MYL2: variants seen among roughly 807,000 people sequenced by gnomAD.
MYL2 encodes the protein myosin light chain 2.
MYL2 carries 19 observed loss-of-function variants against 23.0 expected under a neutral mutation model. The observed-to-expected ratio is 0.83, with a 90% confidence interval of 0.58 to 1.21. MYL2 has a LOEUF of 1.21. MYL2 is among the 50% of genes most tolerant of loss of function. MYL2 has a pLI of 0.00. For missense variants in MYL2, 180 were observed against 215.1 expected, an observed-to-expected ratio of 0.84 and a Z score of 1.02; for synonymous variants, 78 against 76.2, an observed-to-expected ratio of 1.02 and a Z score of -0.13.
In MYL2 at chr12:110,915,805, T is replaced by C; in HGVS notation, c.94-15A>G. ...ATAGTGAAGGCCTGTGGAAGGGAAG[T>C]GATTGGCAGCTCAGCCTGGGAGAAA... On this transcript the variant is annotated splice_polypyrimidine_tract_variant and intron_variant, in intron 2 of 6. Transcript: ENST00000228841. 1 of 1,613,018 alleles carries C rather than the reference T, an allele frequency of 6.2e-7. No individual in the cohort carries two copies. Among genetic ancestry groups the C allele is most frequent in the Non-Finnish European group, 8.5e-7 (1 of 1,178,992 alleles).
chr12:110,913,483 G>A (rs1328756255), intron 4 of MYL2, among the ~76,000 whole-genome samples, 159 bp from the exon 5 acceptor site: 1 of 152,200 alleles, frequency 6.6e-6, no homozygotes, highest in Non-Finnish European at 1.5e-5. Flanking sequence ...CTGAGCCTCT[G>A]TATTTCGAAG....
rs193922452 is a variant in MYL2 at position 110,911,067 on chromosome 12, G to C, written c.*10C>G. 1 of 1,612,080 alleles carries C rather than the reference G, an allele frequency of 6.2e-7. No homozygotes were observed. The highest frequency in any genetic ancestry group is 8.5e-7 in the Non-Finnish European group (1 of 1,178,232). ...AAAGACGAGCCCAGGGCGCAGCAGC[G>C]AGCCCCCTCCTAGTCCTTCTCTTCT... On this transcript the variant is annotated 3_prime_UTR_variant, in exon 7 of 7. Coordinates refer to ENST00000228841, the MANE Select transcript of MYL2 (RefSeq NM_000432.4).
chr12:110,920,241 G>T (rs917184328), intron 1 of MYL2, among the ~76,000 whole-genome samples: 1 of 152,180 alleles, frequency 6.6e-6, no homozygotes, highest in Non-Finnish European at 1.5e-5. Flanking sequence ...ATCCCATTTT[G>T]CAAGTCCTGG....
rs749252063 is a variant in MYL2, at chr12:110,914,166, A to G, written c.274+20T>C. 3.2e-6 allele frequency: 5 copies of G among 1,563,574 alleles called. No homozygotes were observed. Among genetic ancestry groups the G allele is most frequent in the Middle Eastern group, 1.7e-4 (1 of 5,974 alleles). On this transcript the variant is annotated intron_variant, in intron 4 of 6. Transcript: ENST00000228841. ...CATAGACACATACACACAGACACAC[A>G]CACACACACACGACCTTACCCTTAA...
upstream of MYL2, chr12:110,920,752 A>C (rs908407642): frequency 7.8e-6 from 5 of 637,550 alleles, no homozygotes; most frequent in East Asian, 2.7e-5. Flanking sequence ...GTGAGCCCCC[A>C]AAAAGGCATT....
In MYL2 at chr12:110,918,188, C is replaced by T. The variant is rs922026740; in HGVS notation, c.93+916G>A. On this transcript the variant is annotated intron_variant, in intron 2 of 6. Coordinates refer to ENST00000228841, the MANE Select transcript of MYL2 (RefSeq NM_000432.4). The surrounding 1 kb of genome is among the most constrained non-coding windows in gnomAD (Gnocchi z 4.4). ...GATGAGTCAGTGTGAGCCCTCGCAA[C>T]GGCTGGAAAATGAATTCTGAGCCTG... Among the ~76,000 whole-genome samples, 3 of 152,156 alleles carry T rather than the reference C, an allele frequency of 2.0e-5. No individual in the cohort carries two copies. Among genetic ancestry groups the T allele is most frequent in the Non-Finnish European group, 4.4e-5 (3 of 68,022 alleles).
intron 2 of MYL2, 30 bp from the exon 3 acceptor site, chr12:110,915,820 C>T (rs2071684594): frequency 1.2e-6 from 2 of 1,604,916 alleles, no homozygotes; most frequent in Non-Finnish European, 1.7e-6. Flanking sequence ...GGCAGCTCAG[C>T]CTGGGAGAAA....
In MYL2 at chr12:110,919,105, T is replaced by C. The variant is rs2136777256; in HGVS notation, c.92A>G (p.Glu31Gly). The C allele has an allele frequency of 6.2e-7, 1 of 1,613,860 alleles. No individual in the cohort carries two copies. Among genetic ancestry groups the C allele is most frequent in the Non-Finnish European group, 8.5e-7 (1 of 1,179,878 alleles). Residue 31 changes from glutamate to glycine, a missense_variant and splice_region_variant, in exon 2 of 7, where the codon GAG becomes GGG. By Grantham distance (98) the Glu-to-Gly change is moderately conservative. Coordinates refer to ENST00000228841, the MANE Select transcript of MYL2 (RefSeq NM_000432.4). ...FEQTQIQEFK[E>G]AFTIMDQNRD... is the part of the protein sequence containing the mutation. ...GGATGATTCAATAGCTGCACCCACCTCCTTAAATTCCTGGATTTGGGTCTG... is the reference window on the plus strand; with the variant it reads ...GGATGATTCAATAGCTGCACCCACCCCCTTAAATTCCTGGATTTGGGTCTG...
chr12:110,916,086 A>G (rs987197005), intron 2 of MYL2, among the ~76,000 whole-genome samples: 10 of 152,252 alleles, frequency 6.6e-5, no homozygotes, highest in African/African-American at 2.4e-4. Context: ...CTGTAATCCC[A>G]GCACTTTGGG....
At chr12:110,913,470 T>A (rs1010291814) in intron 4 of MYL2, 146 bp from the exon 5 acceptor site, 1 of 784,204 alleles carries the variant, frequency 1.3e-6, no homozygotes, top group Admixed American at 2.0e-5. Flanking sequence ...TTTCGTCTGA[T>A]CACTGAGCCT....
In MYL2 at chr12:110,918,088, CA is replaced by C. The variant is rs2071698287; in HGVS notation, c.93+1015del. 6.6e-6 allele frequency among the ~76,000 whole-genome samples: 1 copy of C among 151,880 alleles called. No individual in the cohort carries two copies. The highest frequency in any genetic ancestry group is 2.1e-4 in the South Asian group (1 of 4,806). On this transcript the variant is annotated intron_variant, in intron 2 of 6. Coordinates refer to ENST00000228841, the MANE Select transcript of MYL2 (RefSeq NM_000432.4). The surrounding 1 kb of genome is among the most constrained non-coding windows in gnomAD (Gnocchi z 4.4). Reference sequence around the variant, plus strand: ...ACAGAGCGAGACTCTGTCACACGCACAAAAAAAGAAAGCAGTCTGGTCTCTT... The same window carrying C: ...ACAGAGCGAGACTCTGTCACACGCACAAAAAAGAAAGCAGTCTGGTCTCTT...
chr12:110,914,929 T>C (rs1197475218), intron 3 of MYL2, among the ~76,000 whole-genome samples: 6 of 152,218 alleles, frequency 3.9e-5, no homozygotes. Flanking sequence ...CCTTCACAGT[T>C]GGAGGCGGGA....
At chr12:110,915,383 C>T (rs1247709200) in intron 3 of MYL2, among the ~76,000 whole-genome samples, 1 of 152,176 alleles carries the variant, frequency 6.6e-6, no homozygotes, top group African/African-American at 2.4e-5. Flanking sequence ...AGAGGAGGGA[C>T]TGGAATGTTC....
At chr12:110,915,974 A>G (rs958877338) in intron 2 of MYL2, among the ~76,000 whole-genome samples, 184 bp from the exon 3 acceptor site, 4 of 152,272 alleles carry the variant, frequency 2.6e-5, no homozygotes, top group Admixed American at 6.5e-5. Context: ...GCCTCGTGTT[A>G]TCATATGACC....
At chr12:110,912,926 C>T (rs1367762479) in intron 6 of MYL2, among the ~76,000 whole-genome samples, 170 bp downstream of exon 6, 1 of 152,202 alleles carries the variant, frequency 6.6e-6, no homozygotes, top group African/African-American at 2.4e-5. Context: ...TTATGCCAGT[C>T]CCTACCTCAT....
At chr12:110,914,059 A>T in intron 4 of MYL2, 127 bp downstream of exon 4, 1 of 782,946 alleles carries the variant, frequency 1.3e-6, no homozygotes, top group Non-Finnish European at 2.2e-6. Flanking sequence ...CGCCCAGCCA[A>T]GTTGCTGTTT....
intron 4 of MYL2, 135 bp downstream of exon 4, chr12:110,914,051 C>A: frequency 1.3e-6 from 1 of 751,732 alleles, no homozygotes; most frequent in Admixed American, 2.0e-5. Context: ...AGCCACTGCG[C>A]CCAGCCAAGT....
In MYL2 at chr12:110,919,091, T is replaced by C. The variant is rs781118169; in HGVS notation, c.93+13A>G. On this transcript the variant is annotated intron_variant, in intron 2 of 6. Coordinates refer to ENST00000228841, the MANE Select transcript of MYL2 (RefSeq NM_000432.4). The stretch of plus-strand genomic sequence containing the variant: ...ATTTCCATCCAGGCGGATGATTCAA[T>C]AGCTGCACCCACCTCCTTAAATTCC... The C allele has an allele frequency of 1.9e-6, 3 of 1,612,998 alleles. No homozygotes were observed. The highest frequency in any genetic ancestry group is 4.5e-5 in the East Asian group (2 of 44,876).
intron 1 of MYL2, 88 bp downstream of exon 1, chr12:110,920,439 C>T (rs1214642826): frequency 6.3e-7 from 1 of 1,599,812 alleles, no homozygotes; most frequent in Non-Finnish European, 8.6e-7. Context: ...GGGCCGCCTT[C>T]CTCCCCCTCC....
Sources: gnomAD v4.1 joint callset for allele counts (sites outside exome capture counted in the v4.1 genomes callset) on GRCh38, gnomAD v4.1.1 for gene constraint, Gnocchi (gnomAD v3.1) non-coding constraint, MANE v1.5 for transcripts, NCBI Gene and HGNC (gene_info 2026-07-23, HGNC 2026-07-21) for gene names.